ACSS1: variants seen among roughly 807,000 people sequenced by gnomAD.
ACSS1 encodes acyl-CoA synthetase short chain family member 1, also known as acetyl-coenzyme A synthetase 2-like, mitochondrial.
ACSS1 carries 42 observed loss-of-function variants against 75.3 expected under a neutral mutation model. The observed-to-expected ratio is 0.56, with a 90% confidence interval of 0.44 to 0.72. ACSS1 has a LOEUF of 0.72. Among genes scored for constraint, ACSS1 ranks in the 30% least tolerant of loss-of-function variants. The pLI, the probability that ACSS1 is intolerant of heterozygous loss-of-function variation, is 0.00. For missense variants in ACSS1, 782 were observed against 935.7 expected (o/e 0.84, Z 2.14); for synonymous variants, 380 against 376.8 (o/e 1.01, Z -0.10).
At chr20:25,041,883 G>C (rs1424477624) in intron 2 of ACSS1, among the ~76,000 whole-genome samples, 2 of 152,194 alleles carry the variant, frequency 1.3e-5, no homozygotes, top group Admixed American at 6.5e-5. Flanking sequence ...ACACTGGAGT[G>C]ACTTTGAGGG....
intron 2 of ACSS1, among the ~76,000 whole-genome samples, 180 bp downstream of exon 2, chr20:25,047,905 C>T (rs894484765): frequency 2.0e-5 from 3 of 152,106 alleles, no homozygotes; most frequent in African/African-American, 7.2e-5. Flanking sequence ...CAGGCTAGAC[C>T]GGCTTTTACT....
rs545011109 is a variant in ACSS1 at position 25,012,509 on chromosome 20, C to T, written c.1771+92G>A. 27 of 1,477,900 alleles carry T rather than the reference C, an allele frequency of 1.8e-5. No individual in the cohort carries two copies. The South Asian group carries it at 2.9e-4, about 16-fold the overall frequency. The allele number at this position is 1,477,900 out of a possible 1,614,324, so 91.5% of individuals were successfully genotyped here. On this transcript the variant is annotated intron_variant, in intron 12 of 13. Coordinates refer to ENST00000323482, the MANE Select transcript of ACSS1 (RefSeq NM_032501.4). ...GCTTGGCCCACAGTATCCCCTATCA[C>T]TCCACTCTCCAGAGTCTGCTCCTCG...
chr20:25,051,395 A>G (rs535254090), intron 1 of ACSS1, among the ~76,000 whole-genome samples: 2 of 152,320 alleles, frequency 1.3e-5, no homozygotes, highest in Admixed American at 6.5e-5. Flanking sequence ...CCTCATGCCC[A>G]AGGGAGGGAG....
chr20:25,021,627 C>A (rs2088627638), intron 5 of ACSS1, 91 bp from the exon 6 acceptor site: 2 of 1,503,062 alleles, frequency 1.3e-6, no homozygotes, highest in Admixed American at 4.0e-5. Context: ...GCATAGGCTG[C>A]AGTCCATAGC....
chr20:25,021,674 A>G, intron 5 of ACSS1, 138 bp from the exon 6 acceptor site: 12 of 1,077,814 alleles, frequency 1.1e-5, no homozygotes, highest in Non-Finnish European at 1.6e-5. Context: ...GGCCTCCAGC[A>G]GCAGGACAGG....
In ACSS1 at chr20:25,009,407, T is replaced by C; in HGVS notation, c.1772-19A>G. The C allele has an allele frequency of 1.9e-6, 3 of 1,599,128 alleles. No homozygotes were observed. Among genetic ancestry groups the C allele is most frequent in the Non-Finnish European group, 2.6e-6 (3 of 1,166,358 alleles). On this transcript the variant is annotated intron_variant, in intron 12 of 13. Transcript: ENST00000323482. The stretch of plus-strand genomic sequence containing the variant: ...AAGGCAGCTGAAAATAAAGCCAAGT[T>C]TGGGGATGTATTAAATACTAGACAA...
At chr20:25,051,562 A>G (rs2089174773) in intron 1 of ACSS1, among the ~76,000 whole-genome samples, 1 of 152,168 alleles carries the variant, frequency 6.6e-6, no homozygotes, top group Non-Finnish European at 1.5e-5. Context: ...GGGCATCTGC[A>G]TTTCTAACAA....
chr20:25,045,231 G>A (rs552435632), intron 2 of ACSS1, among the ~76,000 whole-genome samples: 1 of 152,206 alleles, frequency 6.6e-6, no homozygotes, highest in Admixed American at 6.5e-5. Flanking sequence ...AGATTAGGGA[G>A]CTGCACAAGG....
chr20:25,034,955 C>T (rs1165411760), intron 2 of ACSS1, among the ~76,000 whole-genome samples: 2 of 151,712 alleles, frequency 1.3e-5, no homozygotes, highest in Admixed American at 6.6e-5. Context: ...TGCAGTGGCG[C>T]GATCTCCACC....
intron 2 of ACSS1, chr20:25,032,370 G>C (rs1055445095): frequency 1.2e-5 from 16 of 1,357,192 alleles, no homozygotes; most frequent in South Asian, 1.9e-5. Context: ...CCAACTTGCC[G>C]GCCATGCGGT....
At chr20:25,039,391 AT>A (rs2088966593) in intron 2 of ACSS1, among the ~76,000 whole-genome samples, 1 of 152,122 alleles carries the variant, frequency 6.6e-6, no homozygotes, top group African/African-American at 2.4e-5. Context: ...TTCATGTAAC[AT>A]TTTTCTTGAG....
intron 1 of ACSS1, among the ~76,000 whole-genome samples, chr20:25,052,300 CAAG>C (rs1254849480): frequency 6.6e-6 from 1 of 152,130 alleles, no homozygotes; most frequent in Non-Finnish European, 1.5e-5. Flanking sequence ...TCAGCATTTC[CAAG>C]AAGAGTTGGG....
chr20:25,015,584 G>A (rs1385677109), intron 7 of ACSS1, among the ~76,000 whole-genome samples: 2 of 152,216 alleles, frequency 1.3e-5, no homozygotes, highest in African/African-American at 2.4e-5. Flanking sequence ...GGTGTGAGCT[G>A]CTGTGCCCAG....
intron 2 of ACSS1, among the ~76,000 whole-genome samples, chr20:25,033,137 A>AGCC (rs1280269172): frequency 1.6e-5 from 2 of 128,950 alleles, no homozygotes; most frequent in East Asian, 4.0e-4. Flanking sequence ...CTGAAGAGGG[A>AGCC]GCCGTGGTCC....
At chr20:25,012,995 C>A in intron 10 of ACSS1, 56 bp from the exon 11 acceptor site, 2 of 1,611,506 alleles carry the variant, frequency 1.2e-6, no homozygotes, top group South Asian at 1.1e-5. Context: ...ACCCATGTCC[C>A]AACCTCAGTA....
intron 9 of ACSS1, 124 bp from the exon 10 acceptor site, chr20:25,013,786 C>T (rs1449661155): frequency 1.4e-6 from 2 of 1,405,816 alleles, no homozygotes; most frequent in Non-Finnish European, 1.9e-6. Context: ...GAGGAGGGCC[C>T]CAAGCCACCT....
chr20:25,043,125 A>G (rs1387768118), intron 2 of ACSS1, among the ~76,000 whole-genome samples: 1 of 151,458 alleles, frequency 6.6e-6, no homozygotes, highest in Non-Finnish European at 1.5e-5. Context: ...CACTTCCCAG[A>G]CCCTGGCTCC....
At position 25,013,681 on chromosome 20, in the gene ACSS1, C is replaced by A. The variant is rs573299374; in HGVS notation, c.1453-19G>T. On this transcript the variant is annotated intron_variant, in intron 9 of 13. Transcript: ENST00000323482. ...CGCTGCCCTGTAGACCCCGGACATG[C>A]AAGTGAGACAGGGCAGGCTCTGGGT... The A allele has an allele frequency of 1.3e-6, 2 of 1,582,190 alleles. No individual in the cohort carries two copies. Among genetic ancestry groups the A allele is most frequent in the Non-Finnish European group, 1.7e-6 (2 of 1,161,820 alleles).
intron 2 of ACSS1, among the ~76,000 whole-genome samples, chr20:25,042,123 C>T (rs977602441): frequency 6.6e-6 from 1 of 152,186 alleles, no homozygotes; most frequent in African/African-American, 2.4e-5. Flanking sequence ...CATAAACTCC[C>T]TCAGTGTGGG....
Sources: allele counts gnomAD v4.1 joint callset (sites outside exome capture counted in the v4.1 genomes callset), GRCh38; gene constraint gnomAD v4.1.1; transcripts MANE v1.5; gene names NCBI Gene and HGNC (gene_info 2026-07-23, HGNC 2026-07-21).